The following INSL6 variants were observed in gnomAD, a reference collection of about 807,000 sequenced individuals.
INSL6 encodes insulin like 6, also known as insulin-like peptide INSL6.
Under a neutral mutation model 9.4 loss-of-function variants are expected in INSL6, and 16 were observed. That is an observed-to-expected ratio of 1.70 (90% confidence interval 1.15 to 2.59). The LOEUF (loss-of-function observed/expected upper bound fraction) is 2.59, where lower values mean the gene tolerates loss of function less well. Ranked by LOEUF, INSL6 falls within the 30% of genes most tolerant of loss-of-function variation. The pLI is 0.00. For missense variants in INSL6, 391 were observed against 257.3 expected (o/e 1.52, Z -3.56); for synonymous variants, 154 against 96.9 (o/e 1.59, Z -3.46).
the INSL6 span, among the ~76,000 whole-genome samples, chr9:5,057,654 C>T: frequency 6.8e-6 from 1 of 146,596 alleles, no homozygotes; most frequent in Admixed American, 7.0e-5. Context: ...GCGATCTTGG[C>T]TCACTGTAAC....
chr9:5,076,146 T>A, the INSL6 span, among the ~76,000 whole-genome samples: 1 of 152,188 alleles, frequency 6.6e-6, no homozygotes, highest in African/African-American at 2.4e-5. Context: ...AGTGGTTTCT[T>A]AAGATGGAAT....
chr9:5,056,455 G>T, the INSL6 span, among the ~76,000 whole-genome samples: 4 of 151,932 alleles, frequency 2.6e-5, no homozygotes, highest in Non-Finnish European at 5.9e-5. Flanking sequence ...TTTATCTTAA[G>T]TATTTATATG....
At chr9:5,105,914 A>G in the INSL6 span, among the ~76,000 whole-genome samples, 4 of 152,372 alleles carry the variant, frequency 2.6e-5, no homozygotes, top group South Asian at 6.2e-4. Context: ...AAATTAATTC[A>G]AGATGGATTA....
At chr9:5,079,898 G>T in the INSL6 span, among the ~76,000 whole-genome samples, 1 of 152,132 alleles carries the variant, frequency 6.6e-6, no homozygotes, top group East Asian at 1.9e-4. Flanking sequence ...AGACACTATG[G>T]TTTAATGGAA....
At chr9:5,164,979 G>A (rs923270391) in intron 1 of INSL6, among the ~76,000 whole-genome samples, 1 of 152,140 alleles carries the variant, frequency 6.6e-6, no homozygotes, top group Admixed American at 6.5e-5. Context: ...AGGCCGAGGC[G>A]GGCGGATCAC....
In INSL6 at chr9:5,164,123, A is replaced by C. The variant is rs753696096; in HGVS notation, c.432T>G (p.Asn144Lys). 9.3e-6 allele frequency: 15 copies of C among 1,612,374 alleles called. No homozygotes were observed. The highest frequency in any genetic ancestry group is 9.3e-6 in the Non-Finnish European group (11 of 1,179,468). Residue 144 changes from asparagine (N) to lysine (K), a missense_variant, in exon 2 of 2, where the codon AAT becomes AAG. Transcript: ENST00000381641. ...TTCTACGTTTCTTCTGAAATTTTGC[A>C]TTCTCATGAATATATACATTGATAT... ...SHNINVYIHE[N>K]AKFQKKRRNK...
At chr9:5,167,027 T>C (rs1564051062) in intron 1 of INSL6, among the ~76,000 whole-genome samples, 2 of 150,500 alleles carry the variant, frequency 1.3e-5, no homozygotes. Flanking sequence ...AAATGGCAAG[T>C]GGATTCTGCA....
the INSL6 span, among the ~76,000 whole-genome samples, chr9:5,023,611 C>T: frequency 6.6e-6 from 1 of 152,212 alleles, no homozygotes; most frequent in African/African-American, 2.4e-5. Context: ...TCTAACTTAA[C>T]CTTTCCCTGT....
At chr9:5,154,933 C>T (rs1471133838) in intron 2 of INSL6, among the ~76,000 whole-genome samples, 9 of 151,804 alleles carry the variant, frequency 5.9e-5, no homozygotes, top group South Asian at 4.2e-4. Context: ...CTCAGGGATC[C>T]AGAACTAGAA....
At chr9:5,008,412 G>GT in the INSL6 span, among the ~76,000 whole-genome samples, 2 of 152,212 alleles carry the variant, frequency 1.3e-5, no homozygotes, top group Non-Finnish European at 2.9e-5. Context: ...AATGTAGGAA[G>GT]TGGAGATTAA....
At chr9:5,034,067 CAA>C in the INSL6 span, among the ~76,000 whole-genome samples, 250 of 151,512 alleles carry the variant, frequency 1.7e-3, no homozygotes, top group Non-Finnish European at 2.9e-3. Flanking sequence ...AAACGGAAAA[CAA>C]AAAAAGGCAG....
chr9:5,058,105 C>T, the INSL6 span, among the ~76,000 whole-genome samples: 7 of 152,236 alleles, frequency 4.6e-5, no homozygotes, highest in Admixed American at 3.3e-4. Flanking sequence ...ATATTCAGGT[C>T]ACTTTTTTAC....
the INSL6 span, among the ~76,000 whole-genome samples, chr9:4,996,568 GT>G: frequency 4.0e-5 from 6 of 150,756 alleles, no homozygotes; most frequent in South Asian, 1.1e-3. Context: ...AGATTTTTTG[GT>G]TTTTTTGAGG....
the INSL6 span, chr9:5,085,286 T>C: frequency 1.4e-6 from 1 of 709,192 alleles, no homozygotes. Flanking sequence ...GGTTTGCCTA[T>C]GTTAGAACAT....
chr9:5,163,858 T>G (rs1824981121), downstream of INSL6: 40 of 1,142,244 alleles, frequency 3.5e-5, 1 homozygote, highest in South Asian at 3.6e-4. Context: ...CAAAAAAAAA[T>G]AGAGTTAAAT....
At chr9:5,110,847 G>GT in the INSL6 span, 1 of 470,800 alleles carries the variant, frequency 2.1e-6, no homozygotes, top group Non-Finnish European at 4.1e-6. Context: ...AAGGTGGGGG[G>GT]GACGCTTCAT....
At chr9:5,163,289 G>A (rs1209626389), downstream of INSL6, among the ~76,000 whole-genome samples, 2 of 152,160 alleles carry the variant, frequency 1.3e-5, no homozygotes, top group African/African-American at 4.8e-5. Flanking sequence ...CTCAAACATT[G>A]AGATTTATGT....
chr9:5,069,329 T>A, the INSL6 span: 1 of 633,268 alleles, frequency 1.6e-6, no homozygotes, highest in Non-Finnish European at 2.7e-6. Context: ...AAGTTAATTT[T>A]ATCTTATTCT....
At chr9:5,079,080 T>A in the INSL6 span, among the ~76,000 whole-genome samples, 1 of 152,190 alleles carries the variant, frequency 6.6e-6, no homozygotes, top group Non-Finnish European at 1.5e-5. Context: ...TGTGTCCTAT[T>A]TAAGCTAATA....
Sources: allele counts gnomAD v4.1 joint callset (sites outside exome capture counted in the v4.1 genomes callset), GRCh38; gene constraint gnomAD v4.1.1; transcripts MANE v1.5; gene names NCBI Gene and HGNC (gene_info 2026-07-23, HGNC 2026-07-21).